GSK3B: variants seen among roughly 807,000 people sequenced by gnomAD.
The protein encoded by GSK3B is glycogen synthase kinase-3 beta.
A neutral mutation model predicts 56.4 loss-of-function variants in GSK3B; 15 were observed. The ratio of observed to expected loss-of-function variants is 0.27; its 90% CI spans 0.18 to 0.41. The LOEUF is 0.41. GSK3B is among the 10% of genes least tolerant of loss of function. GSK3B has a pLI of 1.00. For synonymous variants in GSK3B, 181 were observed against 188.9 expected (o/e 0.96, Z 0.34); for missense variants, 300 against 513.4 (o/e 0.58, Z 4.02).
chr3:119,827,377 C>CAGTACCAA (rs375754533), intron 10 of GSK3B, among the ~76,000 whole-genome samples: 1,813 of 152,128 alleles, frequency 0.012, 34 homozygotes, highest in African/African-American at 0.042. Context: ...ACAGCAACTG[C>CAGTACCAA]AGTACCAATT....
At chr3:120,043,975 G>A (rs895241673) in intron 1 of GSK3B, among the ~76,000 whole-genome samples, 3 of 152,220 alleles carry the variant, frequency 2.0e-5, no homozygotes, top group African/African-American at 7.2e-5. Context: ...ACAAATGTCT[G>A]GTTGAAATGC....
rs371769670 is a variant in GSK3B at position 120,081,372 on chromosome 3, C to A, written c.88+11975G>T. On this transcript the variant is annotated intron_variant, in intron 1 of 10. Coordinates refer to ENST00000264235, the MANE Select transcript of GSK3B (RefSeq NM_001146156.2). ...GACCATCCTGGTCAACATGGTGAAACCCTGTCTCTACTAAAAATACAAAAA... is the reference window on the plus strand; with the variant it reads ...GACCATCCTGGTCAACATGGTGAAAACCTGTCTCTACTAAAAATACAAAAA... 1.6e-4 allele frequency among the ~76,000 whole-genome samples: 25 copies of A among 152,004 alleles called. No individual in the cohort carries two copies. In the South Asian group the frequency reaches 2.5e-3, roughly 15 times the overall value.
At position 119,985,036 on chromosome 3, in the gene GSK3B, A is replaced by G. The variant is rs181607322; in HGVS notation, c.282+17010T>C. ...CCCTGGAATGCAAGGCTGGTTCAAC[A>G]TATGCAAATCAACAAACGTAATCCA... is the stretch of plus-strand genomic sequence containing the variant. On this transcript the variant is annotated intron_variant, in intron 2 of 10. Transcript: ENST00000264235. Among the ~76,000 whole-genome samples, 3 of 152,356 alleles carry G rather than the reference A, an allele frequency of 2.0e-5. No individual in the cohort carries two copies. The East Asian group carries it at 5.8e-4, about 29-fold the overall frequency.
In GSK3B at chr3:120,090,491, CAATAT is replaced by C. The variant is rs1479852490; in HGVS notation, c.88+2851_88+2855del. Among the ~76,000 whole-genome samples the C allele has an allele frequency of 2.0e-5, 3 of 152,134 alleles. No individual in the cohort carries two copies. The East Asian group carries it at 5.8e-4, about 29-fold the overall frequency. On this transcript the variant is annotated intron_variant, in intron 1 of 10. Coordinates refer to ENST00000264235, the MANE Select transcript of GSK3B (RefSeq NM_001146156.2). ...TTCTCAATTTTCCCATTACAATTAA[CAATAT>C]AACTTAGCAGTCAAGTCTTCCAGGC...
chr3:119,946,614 G>T (rs1419681038), intron 3 of GSK3B, among the ~76,000 whole-genome samples: 1 of 152,036 alleles, frequency 6.6e-6, no homozygotes, highest in Non-Finnish European at 1.5e-5. Context: ...AAGACACCAA[G>T]GAAAAACAGA....
chr3:119,977,313 T>A (rs2057417240), intron 2 of GSK3B, among the ~76,000 whole-genome samples: 1 of 152,166 alleles, frequency 6.6e-6, no homozygotes. Flanking sequence ...AGGAACATCA[T>A]TATCAATGGT....
intron 2 of GSK3B, among the ~76,000 whole-genome samples, chr3:119,986,749 T>C (rs1200121699): frequency 6.6e-6 from 1 of 152,198 alleles, no homozygotes; most frequent in Non-Finnish European, 1.5e-5. Flanking sequence ...TGTAAATTGG[T>C]TTAACCATTG....
intron 2 of GSK3B, among the ~76,000 whole-genome samples, chr3:119,997,993 G>A (rs748565729): frequency 6.6e-6 from 1 of 152,052 alleles, no homozygotes; most frequent in Non-Finnish European, 1.5e-5. Context: ...TAGAGAAAAC[G>A]ACATTATTTA....
intron 1 of GSK3B, among the ~76,000 whole-genome samples, chr3:120,004,027 C>A (rs1251256284): frequency 6.6e-6 from 1 of 152,216 alleles, no homozygotes; most frequent in East Asian, 1.9e-4. Flanking sequence ...CCTGGAGGAG[C>A]GATACACTCC....
At chr3:120,084,502 T>C (rs1350654409) in intron 1 of GSK3B, 1 of 152,190 alleles carries the variant, frequency 6.6e-6, no homozygotes, top group Non-Finnish European at 1.5e-5. Flanking sequence ...AATCATATAT[T>C]CCTTTATAAA....
intron 1 of GSK3B, among the ~76,000 whole-genome samples, chr3:120,062,218 A>T (rs1363377045): frequency 6.6e-6 from 1 of 152,128 alleles, no homozygotes; most frequent in African/African-American, 2.4e-5. Flanking sequence ...CTTCATGTGA[A>T]TTCATTGCCA....
At chr3:119,858,013 C>T (rs138265009) in intron 9 of GSK3B, among the ~76,000 whole-genome samples, 8 of 152,184 alleles carry the variant, frequency 5.3e-5, no homozygotes, top group Non-Finnish European at 1.0e-4. Context: ...TAGGTCTCAA[C>T]AGTGGGCTTC....
At chr3:119,852,863 T>C (rs2055958438) in intron 9 of GSK3B, among the ~76,000 whole-genome samples, 1 of 152,198 alleles carries the variant, frequency 6.6e-6, no homozygotes, top group South Asian at 2.1e-4. Flanking sequence ...TTTTCTCCCA[T>C]TCTGTAGGTT....
At chr3:119,930,133 G>A (rs1431346154) in intron 3 of GSK3B, among the ~76,000 whole-genome samples, 1 of 143,282 alleles carries the variant, frequency 7.0e-6, no homozygotes, top group Non-Finnish European at 1.5e-5. Flanking sequence ...ACGTGCGCAT[G>A]CACACACACA....
At chr3:119,971,267 G>A (rs906657460) in intron 2 of GSK3B, among the ~76,000 whole-genome samples, 5 of 152,118 alleles carry the variant, frequency 3.3e-5, no homozygotes, top group African/African-American at 9.7e-5. Context: ...ACCAACTTCA[G>A]TCAAGATTCA....
intron 1 of GSK3B, chr3:120,029,132 A>T: frequency 1.4e-6 from 1 of 713,848 alleles, no homozygotes; most frequent in Non-Finnish European, 2.5e-6. Flanking sequence ...AGTTATTTTG[A>T]TGATATAAAA....
At chr3:120,070,770 T>C (rs970319067) in intron 1 of GSK3B, among the ~76,000 whole-genome samples, 5 of 152,234 alleles carry the variant, frequency 3.3e-5, no homozygotes, top group East Asian at 1.9e-4. Flanking sequence ...TATTGCCAAA[T>C]TGCTGTTCCT....
intron 1 of GSK3B, among the ~76,000 whole-genome samples, chr3:120,058,258 T>C (rs866934559): frequency 1.3e-5 from 2 of 152,120 alleles, no homozygotes; most frequent in South Asian, 2.1e-4. Flanking sequence ...ACTGATAATA[T>C]ATTTTATTTA....
rs968486905 is a variant in GSK3B, at chr3:119,851,681, A to G, written c.1097-8328T>C. Among the ~76,000 whole-genome samples, 14 of 152,344 alleles carry G rather than the reference A, an allele frequency of 9.2e-5. No individual in the cohort carries two copies. The East Asian group carries it at 2.7e-3, about 29-fold the overall frequency. On this transcript the variant is annotated intron_variant, in intron 9 of 10. Coordinates refer to ENST00000264235, the MANE Select transcript of GSK3B (RefSeq NM_001146156.2). The stretch of plus-strand genomic sequence containing the variant: ...CTAGCTTTGAAGGAGCTCACCCTGC[A>G]GATCTCCAAAAAGGAGTTACTAAAA...
Sources: gnomAD v4.1 joint callset for allele counts (sites outside exome capture counted in the v4.1 genomes callset) on GRCh38, gnomAD v4.1.1 for gene constraint, MANE v1.5 for transcripts, NCBI Gene and HGNC (gene_info 2026-07-23, HGNC 2026-07-21) for gene names.